Variants in CLYBL observed in about 807,000 individuals in gnomAD.
CLYBL encodes citramalyl-CoA lyase, mitochondrial.
In CLYBL, 31 loss-of-function variants were observed where a neutral mutation model predicts 38.9. The observed-to-expected ratio is 0.80, with a 90% CI of 0.60 to 1.08. The LOEUF (loss-of-function observed/expected upper bound fraction) is 1.08. CLYBL is among the 50% of genes least tolerant of loss of function. The pLI is 0.00. For missense variants in CLYBL, 434 were observed against 411.6 expected (o/e 1.05, Z -0.47); for synonymous variants, 171 against 158.6 (o/e 1.08, Z -0.59).
intron 1 of CLYBL, among the ~76,000 whole-genome samples, chr13:99,657,642 A>AATTC (rs2047347835): frequency 9.4e-3 from 1 of 106 alleles, no homozygotes; most frequent in Non-Finnish European, 0.019. Context: ...ATGGGGAAAA[A>AATTC]AACTCTTTAA....
intron 1 of CLYBL, among the ~76,000 whole-genome samples, chr13:99,637,840 A>C (rs576010899): frequency 2.0e-5 from 3 of 152,340 alleles, no homozygotes; most frequent in South Asian, 4.1e-4. Context: ...CCGTATACAT[A>C]CATCCATTCA....
chr13:99,683,171 TC>T (rs1390361425), intron 1 of CLYBL, among the ~76,000 whole-genome samples: 1 of 152,086 alleles, frequency 6.6e-6, no homozygotes, highest in Non-Finnish European at 1.5e-5. Context: ...AACCTCTGCC[TC>T]CCACGTTCAA....
intron 1 of CLYBL, among the ~76,000 whole-genome samples, chr13:99,647,963 A>G (rs185304581): frequency 2.6e-5 from 4 of 152,280 alleles, no homozygotes; most frequent in African/African-American, 9.6e-5. Flanking sequence ...TGTTCAGAGG[A>G]AACAGTTCAT....
intron 1 of CLYBL, among the ~76,000 whole-genome samples, chr13:99,734,202 A>C (rs915424621): frequency 2.0e-5 from 3 of 151,960 alleles, no homozygotes; most frequent in African/African-American, 7.3e-5. Flanking sequence ...TCCTCACCTC[A>C]TTCCCCTCTC....
intron 7 of CLYBL, among the ~76,000 whole-genome samples, chr13:99,879,411 T>G (rs1002178124): frequency 6.6e-6 from 1 of 152,198 alleles, no homozygotes; most frequent in African/African-American, 2.4e-5. Flanking sequence ...CTCTTCCTTT[T>G]CTGGTCCATC....
intron 1 of CLYBL, among the ~76,000 whole-genome samples, chr13:99,721,965 A>G (rs995411995): frequency 1.8e-4 from 28 of 152,164 alleles, no homozygotes; most frequent in African/African-American, 6.8e-4. Context: ...TAGGGTCTTG[A>G]ACAAGTTTTA....
At chr13:99,612,452 A>G (rs1566588151) in intron 1 of CLYBL, among the ~76,000 whole-genome samples, 1 of 143,638 alleles carries the variant, frequency 7.0e-6, no homozygotes, top group Admixed American at 7.4e-5. Context: ...CACTGATGCA[A>G]TCTTGGCTCA....
rs4001024 is a variant in CLYBL, at chr13:99,716,169, A to ATTTTTTTTTTTTTTTTTTTTTTTTT, written c.63-56641_63-56617dup. ...AAATTGTCCTTGCTTTATTGGTGTAATTTTTTTTTTTTTTTTTTTTTTTTT... is the reference window on the plus strand; with the variant it reads ...AAATTGTCCTTGCTTTATTGGTGTAATTTTTTTTTTTTTTTTTTTTTTTTTTTTTTTTTTTTTTTTTTTTTTTTTT... On this transcript the variant is annotated intron_variant, in intron 1 of 8. Coordinates refer to ENST00000339105, the MANE Select transcript of CLYBL (RefSeq NM_206808.5). Among the ~76,000 whole-genome samples the ATTTTTTTTTTTTTTTTTTTTTTTTT allele has an allele frequency of 3.9e-4, 13 of 33,464 alleles. 5 individuals carry two copies. Among genetic ancestry groups the ATTTTTTTTTTTTTTTTTTTTTTTTT allele is most frequent in the East Asian group, 1.8e-3 (2 of 1,122 alleles). 22.0% of individuals were successfully genotyped at this position (33,464 alleles called of 152,430 possible).
At chr13:99,770,472 C>T (rs2049364535) in intron 1 of CLYBL, among the ~76,000 whole-genome samples, 1 of 152,140 alleles carries the variant, frequency 6.6e-6, no homozygotes. Context: ...CGCCCGCCAC[C>T]ACGCCTGGCT....
intron 1 of CLYBL, among the ~76,000 whole-genome samples, chr13:99,679,367 A>C (rs2047700515): frequency 2.6e-5 from 4 of 152,180 alleles, no homozygotes. Flanking sequence ...AGCTAATTAA[A>C]TTCTGCCCTG....
chr13:99,908,262 C>A (rs972783166), exon 10 of CLYBL, among the ~76,000 whole-genome samples: 9 of 152,214 alleles, frequency 5.9e-5, no homozygotes, highest in Non-Finnish European at 1.2e-4. Flanking sequence ...TGGGCAGAGG[C>A]CCATCTGCTC....
At chr13:99,857,915 A>G (rs2051499028) in intron 2 of CLYBL, among the ~76,000 whole-genome samples, 1 of 152,070 alleles carries the variant, frequency 6.6e-6, no homozygotes, top group African/African-American at 2.4e-5. Flanking sequence ...ATAAGTGTTC[A>G]TTCTGACAAT....
chr13:99,856,795 C>T (rs1292114095), intron 2 of CLYBL, among the ~76,000 whole-genome samples: 1 of 151,814 alleles, frequency 6.6e-6, no homozygotes, highest in Non-Finnish European at 1.5e-5. Flanking sequence ...TGTGCCACTA[C>T]ACCCGGCTAA....
chr13:99,723,432 A>G (rs1215542011), intron 1 of CLYBL, among the ~76,000 whole-genome samples: 4 of 152,224 alleles, frequency 2.6e-5, no homozygotes, highest in African/African-American at 9.6e-5. Context: ...TTTATATTAA[A>G]TGTTTACAAA....
At chr13:99,735,227 T>C (rs1473654625) in intron 1 of CLYBL, among the ~76,000 whole-genome samples, 1 of 152,234 alleles carries the variant, frequency 6.6e-6, no homozygotes, top group Admixed American at 6.5e-5. Flanking sequence ...AGAGTCTCGC[T>C]GTGTCACCTA....
At chr13:99,802,003 T>C (rs2050145372) in intron 2 of CLYBL, among the ~76,000 whole-genome samples, 1 of 151,986 alleles carries the variant, frequency 6.6e-6, no homozygotes, top group African/African-American at 2.4e-5. Flanking sequence ...GCAACAAGAG[T>C]GAAACTCCAT....
intron 2 of CLYBL, among the ~76,000 whole-genome samples, chr13:99,780,233 T>G (rs1213744533): frequency 6.6e-6 from 1 of 152,214 alleles, no homozygotes; most frequent in East Asian, 1.9e-4. Flanking sequence ...AATGTTTATG[T>G]GGTCTGATCG....
chr13:99,719,295 C>T (rs1728199726), intron 1 of CLYBL, among the ~76,000 whole-genome samples: 1 of 151,818 alleles, frequency 6.6e-6, no homozygotes, highest in African/African-American at 2.4e-5. Context: ...CAGGCAGGCA[C>T]CACCAAGCCT....
chr13:99,819,416 TTATATATATATATATATATATATA>T (rs71715024), intron 2 of CLYBL, among the ~76,000 whole-genome samples: 629 of 18,384 alleles, frequency 0.034, 31 homozygotes, highest in Middle Eastern at 0.094. Context: ...GGGAAAAAAT[TTATATATATATATATATATATATA>T]TATATATATA....
Sources: allele counts gnomAD v4.1 joint callset (sites outside exome capture counted in the v4.1 genomes callset), GRCh38; gene constraint gnomAD v4.1.1; transcripts MANE v1.5; gene names NCBI Gene and HGNC (gene_info 2026-07-23, HGNC 2026-07-21).